The following ZNF385B variants were observed in gnomAD, a reference collection of about 807,000 sequenced individuals.
ZNF385B encodes zinc finger protein 533.
In ZNF385B, 23 loss-of-function variants were observed where a neutral mutation model predicts 39.2. The ratio of observed to expected loss-of-function variants is 0.59; its 90% confidence interval spans 0.42 to 0.83. ZNF385B has a LOEUF of 0.83. Among genes scored for constraint, ZNF385B ranks in the 40% least tolerant of loss-of-function variants. The pLI, the probability that ZNF385B is intolerant of heterozygous loss-of-function variation, is 0.00. For missense variants in ZNF385B, 552 were observed against 598.9 expected, an observed-to-expected ratio of 0.92 and a Z score of 0.82; for synonymous variants, 205 against 222.6, an observed-to-expected ratio of 0.92 and a Z score of 0.70.
At chr2:179,623,787 A>G (rs538056976) in intron 3 of ZNF385B, among the ~76,000 whole-genome samples, 96 of 152,260 alleles carry the variant, frequency 6.3e-4, no homozygotes, top group African/African-American at 2.2e-3. Flanking sequence ...TGAGCTCCCC[A>G]AGGCCTTTTC....
At chr2:179,669,572 T>C (rs2106298933) in intron 3 of ZNF385B, among the ~76,000 whole-genome samples, 1 of 152,320 alleles carries the variant, frequency 6.6e-6, no homozygotes, top group Middle Eastern at 3.4e-3. Flanking sequence ...CTTTTTCCTC[T>C]ACATGATAGT....
chr2:179,588,240 C>T (rs75180505), intron 3 of ZNF385B, among the ~76,000 whole-genome samples: 28,077 of 152,092 alleles, frequency 0.18, 2,678 homozygotes, highest in Non-Finnish European at 0.21. Context: ...AGGCGCCCGC[C>T]ACCATGCCCG....
At chr2:179,556,576 G>C (rs1043748335) in intron 3 of ZNF385B, among the ~76,000 whole-genome samples, 1 of 149,650 alleles carries the variant, frequency 6.7e-6, no homozygotes, top group African/African-American at 2.5e-5. Flanking sequence ...ATTATCTCCA[G>C]ACAGGGCTTT....
At chr2:179,516,874 A>T (rs1289323365) in intron 5 of ZNF385B, among the ~76,000 whole-genome samples, 1 of 152,108 alleles carries the variant, frequency 6.6e-6, no homozygotes, top group South Asian at 2.1e-4. Context: ...TAGTTTTTTT[A>T]AAGTTTTTAT....
chr2:179,479,456 G>A (rs1027701418), intron 6 of ZNF385B, among the ~76,000 whole-genome samples: 1 of 152,130 alleles, frequency 6.6e-6, no homozygotes, highest in Non-Finnish European at 1.5e-5. Flanking sequence ...TGTGCCAAGT[G>A]CCAAAATAGC....
chr2:179,656,245 T>C (rs1367071659), intron 3 of ZNF385B, among the ~76,000 whole-genome samples: 10 of 152,098 alleles, frequency 6.6e-5, no homozygotes, highest in Admixed American at 6.5e-4. Context: ...TATTATACAG[T>C]AGGCAATTTG....
chr2:179,690,726 C>G (rs988149282), intron 3 of ZNF385B, among the ~76,000 whole-genome samples: 1 of 152,176 alleles, frequency 6.6e-6, no homozygotes, highest in Non-Finnish European at 1.5e-5. Flanking sequence ...TCAGTTTTCT[C>G]ATCTGAAATA....
chr2:179,486,981 C>T (rs770372824), intron 5 of ZNF385B, among the ~76,000 whole-genome samples: 2 of 152,198 alleles, frequency 1.3e-5, no homozygotes, highest in Non-Finnish European at 2.9e-5. Context: ...ATTTCTACAA[C>T]GTATCATAAG....
chr2:179,540,051 A>G (rs995464458), intron 4 of ZNF385B, among the ~76,000 whole-genome samples: 1 of 152,352 alleles, frequency 6.6e-6, no homozygotes, highest in African/African-American at 2.4e-5. Context: ...GGGACAAAGA[A>G]TGTAGTAAAT....
At chr2:179,772,039 T>C (rs190511932) in intron 1 of ZNF385B, among the ~76,000 whole-genome samples, 49 of 152,302 alleles carry the variant, frequency 3.2e-4, no homozygotes, top group Non-Finnish European at 6.6e-4. Context: ...ATATTGCAGA[T>C]TAACACACGG....
intron 3 of ZNF385B, among the ~76,000 whole-genome samples, chr2:179,662,502 G>A (rs868171726): frequency 3.2e-4 from 48 of 151,950 alleles, no homozygotes; most frequent in African/African-American, 9.7e-4. Context: ...TTTACCAGGC[G>A]CTTGATATTA....
Position 179,848,851 on chromosome 2 carries a change from G to C in ZNF385B, c.-155+12250C>G, listed in dbSNP as rs79008995. ...GCCAAGGAAGCTTCTTCAGGACTTG[G>C]GTGTCGGTCTCTTTCAGGTGTTGTA... On this transcript the variant is annotated intron_variant, in intron 1 of 9. Coordinates refer to ENST00000410066, the MANE Select transcript of ZNF385B (RefSeq NM_152520.6). Among the ~76,000 whole-genome samples, 476 of 152,184 alleles carry C rather than the reference G, an allele frequency of 3.1e-3. 5 individuals are homozygous for C. Among genetic ancestry groups the C allele is most frequent in the Non-Finnish European group, 2.3e-3 (154 of 68,010 alleles).
intron 1 of ZNF385B, among the ~76,000 whole-genome samples, chr2:179,837,686 C>T: frequency 6.6e-6 from 1 of 152,074 alleles, no homozygotes; most frequent in African/African-American, 2.4e-5. Flanking sequence ...TTATATTTGC[C>T]CTCCTCACAA....
At chr2:179,715,011 T>C (rs1217511938) in intron 3 of ZNF385B, among the ~76,000 whole-genome samples, 2 of 147,464 alleles carry the variant, frequency 1.4e-5, no homozygotes, top group South Asian at 2.2e-4. Context: ...TTGTCTCCCA[T>C]ATCTGTCAAA....
intron 1 of ZNF385B, among the ~76,000 whole-genome samples, chr2:179,776,222 T>G (rs1199653341): frequency 6.6e-6 from 1 of 152,154 alleles, no homozygotes; most frequent in African/African-American, 2.4e-5. Context: ...GGAAGAGATG[T>G]TTTCACTGTC....
intron 5 of ZNF385B, among the ~76,000 whole-genome samples, chr2:179,500,978 G>C (rs1211024861): frequency 6.6e-6 from 1 of 152,048 alleles, no homozygotes; most frequent in Non-Finnish European, 1.5e-5. Flanking sequence ...ATGGCAAACA[G>C]GCATATGAAA....
intron 3 of ZNF385B, among the ~76,000 whole-genome samples, chr2:179,610,886 A>G (rs1244869022): frequency 1.3e-5 from 2 of 152,000 alleles, no homozygotes; most frequent in African/African-American, 4.8e-5. Context: ...TTGTATGTTG[A>G]TTTTGTATCC....
At chr2:179,678,341 C>T (rs1416899697) in intron 3 of ZNF385B, among the ~76,000 whole-genome samples, 1 of 152,140 alleles carries the variant, frequency 6.6e-6, no homozygotes. Flanking sequence ...GCATGGCTAC[C>T]TGGAATAAAG....
chr2:179,712,124 A>T (rs1700044676), intron 3 of ZNF385B, among the ~76,000 whole-genome samples: 1 of 152,108 alleles, frequency 6.6e-6, no homozygotes, highest in Non-Finnish European at 1.5e-5. Flanking sequence ...TCACAGAAAA[A>T]TTTAAATCTT....
Sources: allele counts gnomAD v4.1 joint callset (sites outside exome capture counted in the v4.1 genomes callset), GRCh38; gene constraint gnomAD v4.1.1; transcripts MANE v1.5; gene names NCBI Gene and HGNC (gene_info 2026-07-23, HGNC 2026-07-21).